The following HTR2C variants were observed in gnomAD, a reference collection of about 807,000 sequenced individuals.
HTR2C encodes the protein 5-hydroxytryptamine receptor 2C, also known as 5-hydroxytryptamine (serotonin) receptor 2C, G protein-coupled.
A neutral mutation model predicts 21.0 loss-of-function variants in HTR2C; 5 were observed. That is an observed-to-expected ratio of 0.24 (90% CI 0.12 to 0.50). The LOEUF is 0.50. HTR2C is among the 20% of genes least tolerant of loss of function. HTR2C has a pLI of 0.98. For missense variants in HTR2C, 271 were observed against 371.2 expected, an observed-to-expected ratio of 0.73 and a Z score of 2.22; for synonymous variants, 150 against 145.3, an observed-to-expected ratio of 1.03 and a Z score of -0.23.
Position 114,908,246 on chromosome X carries a change from A to G in HTR2C, c.*831A>G, listed in dbSNP as rs2147544458. On this transcript the variant is annotated 3_prime_UTR_variant, in exon 6 of 6. Coordinates refer to ENST00000276198, the MANE Select transcript of HTR2C (RefSeq NM_000868.4). ...ATTAAACTGGGAAATGAGATCCCAG[A>G]GTTATTTCCCAACCCAGGATTCAAC... 8.9e-6 allele frequency: 1 copy of G among 112,697 alleles called. No individual in the cohort carries two copies. Among genetic ancestry groups the G allele is most frequent in the African/African-American group, 3.2e-5 (1 of 31,052 alleles). The allele number at this position is 112,697 out of a possible 1,213,427, so 9.3% of individuals were successfully genotyped here.
intron 4 of HTR2C, among the ~76,000 whole-genome samples, chrX:114,798,517 T>C (rs2070316129): frequency 8.9e-6 from 1 of 111,751 alleles, no homozygotes; most frequent in Non-Finnish European, 1.9e-5. Flanking sequence ...TGCTTTAATG[T>C]CTAAAGTGTT....
At chrX:114,819,095 CCTT>C (rs2070609541) in intron 4 of HTR2C, among the ~76,000 whole-genome samples, 1 of 111,405 alleles carries the variant, frequency 9.0e-6, no homozygotes, top group Non-Finnish European at 1.9e-5. Context: ...ATCATTATCT[CCTT>C]CTGCCCAGTA....
chrX:114,803,311 A>G (rs1200042676), intron 4 of HTR2C, among the ~76,000 whole-genome samples: 2 of 44,265 alleles, frequency 4.5e-5, no homozygotes, highest in South Asian at 2.2e-3. Flanking sequence ...CGCCACACTG[A>G]CTTCCACAAT....
At chrX:114,813,617 A>G (rs1394284985) in intron 4 of HTR2C, among the ~76,000 whole-genome samples, 1 of 111,665 alleles carries the variant, frequency 9.0e-6, no homozygotes, top group Non-Finnish European at 1.9e-5. Flanking sequence ...TTTCTGTAGC[A>G]AGGACGCTGT....
At chrX:114,719,024 A>G (rs1556420239) in intron 2 of HTR2C, among the ~76,000 whole-genome samples, 1 of 103,429 alleles carries the variant, frequency 9.7e-6, no homozygotes, top group South Asian at 3.8e-4. Flanking sequence ...AAATAAATAA[A>G]TAAAATAATA....
At chrX:114,663,201 G>A (rs782214607) in intron 2 of HTR2C, among the ~76,000 whole-genome samples, 2 of 109,901 alleles carry the variant, frequency 1.8e-5, no homozygotes, top group South Asian at 7.9e-4. Flanking sequence ...GAACTGTACT[G>A]ATTCTTAATC....
chrX:114,666,968 A>G (rs1931199034), intron 2 of HTR2C, among the ~76,000 whole-genome samples: 1 of 110,741 alleles, frequency 9.0e-6, no homozygotes, highest in African/African-American at 3.3e-5. Flanking sequence ...CATTATATTC[A>G]TTTTCTACTA....
At chrX:114,818,415 T>C in intron 4 of HTR2C, among the ~76,000 whole-genome samples, 1 of 112,333 alleles carries the variant, frequency 8.9e-6, no homozygotes, top group Non-Finnish European at 1.9e-5. Flanking sequence ...AATAGTAATG[T>C]CTTTCATGAA....
At chrX:114,689,195 A>C (rs1232349862) in intron 2 of HTR2C, among the ~76,000 whole-genome samples, 2 of 50,339 alleles carry the variant, frequency 4.0e-5, no homozygotes, top group African/African-American at 1.6e-4. Flanking sequence ...GTAGTATTCC[A>C]TGGTATGTAT....
In HTR2C at chrX:114,633,947, T is replaced by TATAGAGAGAG. The variant is rs201763901; in HGVS notation, c.-80+20067_-80+20068insTAGAGAGAGA. On this transcript the variant is annotated intron_variant, in intron 2 of 5. Transcript: ENST00000276198. ...ATATGCATGTGTATATATATATATA[T>TATAGAGAGAG]AGAGAGAGAGAGAGAGATGGTAGGT... is the stretch of plus-strand genomic sequence containing the variant. Among the ~76,000 whole-genome samples, 274 of 92,112 alleles carry TATAGAGAGAG rather than the reference T, an allele frequency of 3.0e-3. 1 individual carries two copies. The highest frequency in any genetic ancestry group is 0.011 in the East Asian group (30 of 2,736). The allele number at this position is 92,112 out of a possible 115,157, so 80.0% of individuals were successfully genotyped here.
intron 5 of HTR2C, among the ~76,000 whole-genome samples, chrX:114,855,117 G>A (rs1376690373): frequency 1.8e-5 from 2 of 110,822 alleles, no homozygotes; most frequent in South Asian, 3.8e-4. Flanking sequence ...AGATAATTGC[G>A]GTCATTCTTA....
At chrX:114,754,087 G>T (rs1469382744) in intron 4 of HTR2C, among the ~76,000 whole-genome samples, 3 of 110,931 alleles carry the variant, frequency 2.7e-5, no homozygotes, top group Non-Finnish European at 5.7e-5. Context: ...AGTCATATTG[G>T]ATTAGGGCCC....
intron 5 of HTR2C, among the ~76,000 whole-genome samples, chrX:114,879,915 T>A (rs2071167445): frequency 9.0e-6 from 1 of 110,998 alleles, no homozygotes; most frequent in African/African-American, 3.3e-5. Flanking sequence ...ATCTTTTCAT[T>A]AGAGTAGTTA....
At chrX:114,840,996 C>G (rs1177825825) in intron 4 of HTR2C, among the ~76,000 whole-genome samples, 1 of 111,617 alleles carries the variant, frequency 9.0e-6, no homozygotes, top group East Asian at 2.8e-4. Context: ...GAATGAAGCA[C>G]CAGTTCATCA....
At chrX:114,680,840 A>G (rs1931722438) in intron 2 of HTR2C, among the ~76,000 whole-genome samples, 1 of 111,457 alleles carries the variant, frequency 9.0e-6, no homozygotes, top group Non-Finnish European at 1.9e-5. Context: ...GCTTGTGTAG[A>G]GACTTTATTT....
chrX:114,770,941 A>C (rs782696595), intron 4 of HTR2C, among the ~76,000 whole-genome samples: 10 of 108,734 alleles, frequency 9.2e-5, no homozygotes, highest in African/African-American at 3.3e-4. Flanking sequence ...AGCTGAGATT[A>C]CAAGTGCCTG....
intron 5 of HTR2C, among the ~76,000 whole-genome samples, chrX:114,889,709 A>G (rs1292731686): frequency 8.9e-6 from 1 of 111,774 alleles, no homozygotes; most frequent in African/African-American, 3.3e-5. Context: ...AGTCAGATGA[A>G]AGGAAATAAG....
intron 5 of HTR2C, among the ~76,000 whole-genome samples, chrX:114,864,816 G>A (rs1262944310): frequency 2.7e-5 from 3 of 110,972 alleles, no homozygotes; most frequent in East Asian, 2.8e-4. Flanking sequence ...CATTTCTGAA[G>A]GACAGCATTG....
At chrX:114,820,385 A>C (rs2070621507) in intron 4 of HTR2C, among the ~76,000 whole-genome samples, 1 of 110,147 alleles carries the variant, frequency 9.1e-6, no homozygotes, top group Non-Finnish European at 1.9e-5. Context: ...CCTTTGTTTA[A>C]AAAAGTAAAT....
Sources: allele counts gnomAD v4.1 joint callset (sites outside exome capture counted in the v4.1 genomes callset), GRCh38; gene constraint gnomAD v4.1.1; transcripts MANE v1.5; gene names NCBI Gene and HGNC (gene_info 2026-07-23, HGNC 2026-07-21).